Variants in PAWR observed in about 807,000 individuals in gnomAD.
The protein encoded by PAWR is pro-apoptotic WT1 regulator.
Under a neutral mutation model 32.0 loss-of-function variants are expected in PAWR, and 23 were observed. The ratio of observed to expected loss-of-function variants is 0.72; its 90% CI spans 0.52 to 1.02. The LOEUF (loss-of-function observed/expected upper bound fraction) is 1.02, where lower values mean the gene tolerates loss of function less well. PAWR is among the 50% of genes least tolerant of loss of function. PAWR has a pLI of 0.00. For missense variants in PAWR, 457 were observed against 437.7 expected (o/e 1.04, Z -0.39); for synonymous variants, 226 against 187.1 (o/e 1.21, Z -1.70).
At chr12:79,645,403 A>G (rs1257174575) in intron 2 of PAWR, among the ~76,000 whole-genome samples, 1 of 152,220 alleles carries the variant, frequency 6.6e-6, no homozygotes. Flanking sequence ...GCATATGGGT[A>G]GAAACTGAAA....
Position 79,623,107 on chromosome 12 carries a change from G to GACA in PAWR, c.517-1901_517-1900insTGT, listed in dbSNP as rs934561140. ...ACAGGAACAAGACCAAAAGTGAAAA[G>GACA]ACTAGTTAAGTGACTAGTTAAATGA... On this transcript the variant is annotated intron_variant, in intron 2 of 6. Coordinates refer to ENST00000328827, the MANE Select transcript of PAWR (RefSeq NM_002583.4). Among the ~76,000 whole-genome samples, 173 of 152,220 alleles carry GACA rather than the reference G, an allele frequency of 1.1e-3. 2 individuals are homozygous for GACA. Among genetic ancestry groups the GACA allele is most frequent in the Admixed American group, 0.011 (169 of 15,276 alleles).
chr12:79,632,196 GATTTC>G (rs1391891217), intron 2 of PAWR: 1 of 142,648 alleles, frequency 7.0e-6, no homozygotes, highest in Non-Finnish European at 1.5e-5. Flanking sequence ...TATACTACTT[GATTTC>G]AATACTTATA....
rs371853035 is a variant in PAWR at position 79,668,913 on chromosome 12, A to G, written c.516+20816T>C. ...GTTGGGGTATTCCTATTGGAAGGAA[A>G]TACTCTCATCCCAATCAAATACAAA... is the stretch of plus-strand genomic sequence containing the variant. On this transcript the variant is annotated intron_variant, in intron 2 of 6. Coordinates refer to ENST00000328827, the MANE Select transcript of PAWR (RefSeq NM_002583.4). Among the ~76,000 whole-genome samples the G allele has an allele frequency of 2.3e-4, 35 of 152,354 alleles. No homozygotes were observed. The South Asian group carries it at 7.2e-3, about 32-fold the overall frequency.
chr12:79,596,713 C>T, intron 4 of PAWR, 55 bp from the exon 5 acceptor site: 5 of 1,190,544 alleles, frequency 4.2e-6, no homozygotes, highest in Non-Finnish European at 5.8e-6. Flanking sequence ...AGAAAAATGC[C>T]AAGAATATTT....
intron 2 of PAWR, among the ~76,000 whole-genome samples, chr12:79,638,881 TATATATATATATATA>T (rs1217072837): frequency 9.9e-5 from 1 of 10,068 alleles, no homozygotes. Context: ...TATATATATA[TATATATATATATATA>T]TTTTTTTTTT....
At chr12:79,599,257 C>T (rs754527159) in intron 4 of PAWR, among the ~76,000 whole-genome samples, 44 of 152,296 alleles carry the variant, frequency 2.9e-4, no homozygotes, top group Non-Finnish European at 4.1e-4. Context: ...AGCTGATCAG[C>T]TAACTCCCAA....
In PAWR at chr12:79,631,236, G is replaced by A. The variant is rs75590751; in HGVS notation, c.517-10029C>T. On this transcript the variant is annotated intron_variant, in intron 2 of 6. Transcript: ENST00000328827. ...AAAAGAAATCAATCTTTTCCCCTGG[G>A]ACCAAGAATCAGGTAAGATGCTTTC... Among the ~76,000 whole-genome samples the A allele has an allele frequency of 5.4e-3, 816 of 152,212 alleles. 3 individuals carry two copies. Among genetic ancestry groups the A allele is most frequent in the Middle Eastern group, 0.017 (5 of 294 alleles).
At position 79,590,522 on chromosome 12, in the gene PAWR, T is replaced by G. The variant is rs1873523167; in HGVS notation, c.*2085A>C. Reference sequence around the variant, plus strand: ...AGCCTAATAACTGATATAATTTTTTTAAGTGAAATGAAATGTTCCTTTATT... The same window carrying G: ...AGCCTAATAACTGATATAATTTTTTGAAGTGAAATGAAATGTTCCTTTATT... On this transcript the variant is annotated 3_prime_UTR_variant, in exon 7 of 7. Transcript: ENST00000328827. 1.3e-5 allele frequency: 2 copies of G among 151,956 alleles called. No individual in the cohort carries two copies. The highest frequency in any genetic ancestry group is 2.9e-5 in the Non-Finnish European group (2 of 67,946). The allele number at this position is 151,956 out of a possible 1,614,324, so 9.4% of individuals were successfully genotyped here.
intron 2 of PAWR, among the ~76,000 whole-genome samples, chr12:79,689,493 C>G (rs1316911079): frequency 1.3e-5 from 2 of 152,210 alleles, no homozygotes; most frequent in African/African-American, 2.4e-5. Flanking sequence ...GATCCTGGAT[C>G]TGAGACCTGG....
intron 2 of PAWR, among the ~76,000 whole-genome samples, chr12:79,666,586 A>G (rs1877615840): frequency 6.6e-6 from 1 of 152,214 alleles, no homozygotes; most frequent in Admixed American, 6.5e-5. Context: ...ATTACAACAA[A>G]CTAAAGGATG....
At chr12:79,641,966 T>C (rs968216022) in intron 2 of PAWR, among the ~76,000 whole-genome samples, 12 of 150,532 alleles carry the variant, frequency 8.0e-5, no homozygotes, top group African/African-American at 2.9e-4. Context: ...CAAGGGGACC[T>C]GGAGAGGTGG....
intron 4 of PAWR, chr12:79,604,783 CATTAT>C (rs1874103730): frequency 4.9e-6 from 4 of 822,934 alleles, no homozygotes; most frequent in Admixed American, 5.4e-5. Context: ...AATCAACTCC[CATTAT>C]ATTAAACTCT....
At position 79,635,760 on chromosome 12, in the gene PAWR, A is replaced by G. The variant is rs1364830384; in HGVS notation, c.517-14553T>C. On this transcript the variant is annotated intron_variant, in intron 2 of 6. Transcript: ENST00000328827. ...TTTTATCTGTCCAAAAAAAGTTTGA[A>G]AGCCACTGCTATGTTCTGATAGTTT... 4 of 152,174 alleles carry G rather than the reference A, an allele frequency of 2.6e-5. No individual in the cohort carries two copies. The South Asian group carries it at 6.2e-4, about 24-fold the overall frequency. 9.4% of individuals were successfully genotyped at this position (152,174 alleles called of 1,614,324 possible).
At chr12:79,664,724 C>T (rs1038080024) in intron 2 of PAWR, among the ~76,000 whole-genome samples, 1 of 150,142 alleles carries the variant, frequency 6.7e-6, no homozygotes, top group African/African-American at 2.5e-5. Context: ...AACTCCTGGA[C>T]TCAAGTGATC....
intron 3 of PAWR, among the ~76,000 whole-genome samples, chr12:79,619,882 C>T (rs1343437340): frequency 6.6e-6 from 1 of 152,186 alleles, no homozygotes; most frequent in Non-Finnish European, 1.5e-5. Flanking sequence ...ATAAAACGCT[C>T]TGCTTTATTC....
chr12:79,585,390 G>A lies in PAWR; in HGVS notation c.*7217C>T, dbSNP rs1873359095. 4.8e-6 allele frequency: 1 copy of A among 207,594 alleles called. No individual in the cohort carries two copies. The highest frequency in any genetic ancestry group is 2.4e-5 in the African/African-American group (1 of 42,344). The allele number at this position is 207,594 out of a possible 1,614,324, so 12.9% of individuals were successfully genotyped here. ...ATTTGTATTTCTAACAGGTTTCTAA[G>A]TGAAGTCAATGCTACTGGTGTCAGA... On this transcript the variant is annotated 3_prime_UTR_variant, in exon 7 of 7. Transcript: ENST00000328827.
In PAWR at chr12:79,587,414, CT is replaced by C. The variant is rs1451432710; in HGVS notation, c.*5192del. On this transcript the variant is annotated 3_prime_UTR_variant, in exon 7 of 7. Coordinates refer to ENST00000328827, the MANE Select transcript of PAWR (RefSeq NM_002583.4). ...TTTATATTCCTAGGCCCCTACTTATCTTTTACAAACTTTGAAGGACCTGAAA... is the reference window on the plus strand; with the variant it reads ...TTTATATTCCTAGGCCCCTACTTATCTTTACAAACTTTGAAGGACCTGAAA... 2.0e-5 allele frequency: 3 copies of C among 152,016 alleles called. No homozygotes were observed. The highest frequency in any genetic ancestry group is 4.1e-4 in the South Asian group (2 of 4,826). 9.4% of individuals were successfully genotyped at this position (152,016 alleles called of 1,614,324 possible).
chr12:79,660,935 T>C (rs1271407477), intron 2 of PAWR, among the ~76,000 whole-genome samples: 1 of 151,742 alleles, frequency 6.6e-6, no homozygotes, highest in Non-Finnish European at 1.5e-5. Context: ...AATATAAAGA[T>C]TAAGTCCATA....
intron 2 of PAWR, among the ~76,000 whole-genome samples, chr12:79,673,656 A>G (rs1231061328): frequency 6.6e-6 from 1 of 152,238 alleles, no homozygotes; most frequent in Non-Finnish European, 1.5e-5. Context: ...CTAGCCAAAC[A>G]GCACTCCCTT....
Sources: gnomAD v4.1 joint callset for allele counts (sites outside exome capture counted in the v4.1 genomes callset) on GRCh38, gnomAD v4.1.1 for gene constraint, MANE v1.5 for transcripts, NCBI Gene and HGNC (gene_info 2026-07-23, HGNC 2026-07-21) for gene names.